The following MAPRE2 variants were observed in gnomAD, a reference collection of about 807,000 sequenced individuals.
MAPRE2 encodes the protein microtubule associated protein RP/EB family member 2, also known as microtubule-associated protein RP/EB family member 2.
MAPRE2 carries 13 observed loss-of-function variants against 43.2 expected under a neutral mutation model. The ratio of observed to expected loss-of-function variants is 0.30; its 90% CI spans 0.20 to 0.48. The LOEUF is 0.48. MAPRE2 is among the 20% of genes least tolerant of loss of function. MAPRE2 has a pLI of 0.99. For synonymous variants in MAPRE2, 135 were observed against 148.8 expected, an observed-to-expected ratio of 0.91 and a Z score of 0.68; for missense variants, 161 against 400.2, an observed-to-expected ratio of 0.40 and a Z score of 5.10.
intron 6 of MAPRE2, among the ~76,000 whole-genome samples, chr18:35,139,571 C>T (rs986073313): frequency 1.3e-5 from 2 of 152,156 alleles, no homozygotes; most frequent in African/African-American, 4.8e-5. Flanking sequence ...ATAAACATAA[C>T]GTAAGCCAAA....
intron 5 of MAPRE2, among the ~76,000 whole-genome samples, chr18:35,130,726 G>T (rs779994288): frequency 2.0e-5 from 3 of 152,156 alleles, no homozygotes; most frequent in Non-Finnish European, 4.4e-5. Flanking sequence ...TAAACGAAGG[G>T]TTTAAACAAA....
At chr18:35,054,849 T>C (rs1906134382) in intron 1 of MAPRE2, among the ~76,000 whole-genome samples, 1 of 152,238 alleles carries the variant, frequency 6.6e-6, no homozygotes, top group Admixed American at 6.5e-5. Flanking sequence ...TCTTTTTATG[T>C]AAGGCAGAGA....
intron 1 of MAPRE2, among the ~76,000 whole-genome samples, chr18:35,045,332 A>C (rs1471519194): frequency 1.3e-5 from 2 of 152,170 alleles, no homozygotes; most frequent in African/African-American, 4.8e-5. Context: ...TGCCCACTGC[A>C]TCTTTGTTTG....
In MAPRE2 at chr18:35,063,980, C is replaced by T. The variant is rs115099931; in HGVS notation, c.123-6215C>T. On this transcript the variant is annotated intron_variant, in intron 1 of 6. Coordinates refer to ENST00000300249, the MANE Select transcript of MAPRE2 (RefSeq NM_014268.4). ...ACCACTGCACTCCAGCCTGGACTGCCGAGTGAGACCCTGTCTCTTTAAAAA... is the reference window on the plus strand; with the variant it reads ...ACCACTGCACTCCAGCCTGGACTGCTGAGTGAGACCCTGTCTCTTTAAAAA... Among the ~76,000 whole-genome samples the T allele has an allele frequency of 3.0e-3, 365 of 123,348 alleles. 12 individuals are homozygous for T. The East Asian group carries it at 0.08, about 27-fold the overall frequency. 80.9% of individuals were successfully genotyped at this position (123,348 alleles called of 152,430 possible).
intron 2 of MAPRE2, among the ~76,000 whole-genome samples, chr18:35,091,850 A>G (rs1188230844): frequency 1.3e-5 from 2 of 152,242 alleles, no homozygotes; most frequent in Non-Finnish European, 2.9e-5. Flanking sequence ...ATTGCTATAC[A>G]GAAATATCTG....
At chr18:34,999,779 T>A (rs1424457) in intron 1 of MAPRE2, among the ~76,000 whole-genome samples, 21,939 of 152,100 alleles carry the variant, frequency 0.14, 1,976 homozygotes, top group East Asian at 0.24. Flanking sequence ...CTCCTTTACT[T>A]GCCAGATACG....
intron 2 of MAPRE2, among the ~76,000 whole-genome samples, chr18:35,083,294 G>T (rs1212555671): frequency 1.3e-5 from 2 of 152,210 alleles, no homozygotes; most frequent in Non-Finnish European, 2.9e-5. Context: ...GAGTGCACAT[G>T]TGGAGAAGCT....
At chr18:35,094,284 C>A (rs1908301651) in intron 2 of MAPRE2, among the ~76,000 whole-genome samples, 1 of 151,746 alleles carries the variant, frequency 6.6e-6, no homozygotes, top group African/African-American at 2.4e-5. Flanking sequence ...TTTTTGAAAG[C>A]TATTATTTTT....
At chr18:35,056,010 G>T (rs1243571788) in intron 1 of MAPRE2, among the ~76,000 whole-genome samples, 1 of 151,726 alleles carries the variant, frequency 6.6e-6, no homozygotes, top group East Asian at 1.9e-4. Context: ...TTATAACTGG[G>T]TGATGGAACA....
chr18:35,071,631 T>C (rs1168485517), intron 2 of MAPRE2, among the ~76,000 whole-genome samples: 2 of 152,200 alleles, frequency 1.3e-5, no homozygotes, highest in Non-Finnish European at 2.9e-5. Flanking sequence ...TTGCTCTTTT[T>C]CCCAGAGGGT....
intron 6 of MAPRE2, among the ~76,000 whole-genome samples, chr18:35,133,913 T>A (rs1481942384): frequency 1.3e-5 from 2 of 152,096 alleles, no homozygotes; most frequent in African/African-American, 4.8e-5. Context: ...CACACACACA[T>A]ACATCCCAGC....
At chr18:35,112,853 G>A (rs569343849) in intron 4 of MAPRE2, among the ~76,000 whole-genome samples, 6 of 152,332 alleles carry the variant, frequency 3.9e-5, no homozygotes, top group Admixed American at 3.9e-4. Flanking sequence ...CAACAGAAAT[G>A]TATTTCTCAC....
chr18:35,055,902 C>T (rs1245249055), intron 1 of MAPRE2, among the ~76,000 whole-genome samples: 1 of 151,298 alleles, frequency 6.6e-6, no homozygotes, highest in Non-Finnish European at 1.5e-5. Context: ...TTGCAGTGAG[C>T]CGAGATCATG....
intron 2 of MAPRE2, among the ~76,000 whole-genome samples, chr18:35,009,113 C>A (rs2097033170): frequency 6.6e-6 from 1 of 151,832 alleles, no homozygotes; most frequent in African/African-American, 2.4e-5. Context: ...TACTGGGGAA[C>A]TAAGATATAT....
rs1410476104 is a variant in MAPRE2, at chr18:35,101,188, G to A, written c.397-758G>A. Reference sequence around the variant, plus strand: ...ACAACTAAGGATATTCCTTTTGTCTGGCTTGTTCAGAAGTACTAAATATTC... The same window carrying A: ...ACAACTAAGGATATTCCTTTTGTCTAGCTTGTTCAGAAGTACTAAATATTC... On this transcript the variant is annotated intron_variant, in intron 3 of 6. Transcript: ENST00000300249. Among the ~76,000 whole-genome samples the A allele has an allele frequency of 2.0e-5, 3 of 152,170 alleles. No individual in the cohort carries two copies. In the South Asian group the frequency reaches 6.2e-4, roughly 32 times the overall value.
At chr18:35,081,321 T>G (rs1168192769) in intron 2 of MAPRE2, among the ~76,000 whole-genome samples, 1 of 152,150 alleles carries the variant, frequency 6.6e-6, no homozygotes, top group African/African-American at 2.4e-5. Flanking sequence ...GATACTAGAG[T>G]GTACCTAGAA....
chr18:34,998,909 T>C (rs1365677656), intron 1 of MAPRE2, among the ~76,000 whole-genome samples: 2 of 150,342 alleles, frequency 1.3e-5, no homozygotes, highest in Non-Finnish European at 2.9e-5. Flanking sequence ...TGATACCCAA[T>C]GTCTTTTCAG....
intron 1 of MAPRE2, among the ~76,000 whole-genome samples, chr18:35,004,929 A>C (rs1039481340): frequency 6.6e-6 from 1 of 152,088 alleles, no homozygotes; most frequent in African/African-American, 2.4e-5. Flanking sequence ...AAAAAAAAAA[A>C]AAAAGAAAAG....
intron 4 of MAPRE2, among the ~76,000 whole-genome samples, chr18:35,115,387 A>AGTTTTTGGGGTACAGATG (rs1281960510): frequency 5.2e-4 from 79 of 152,158 alleles, no homozygotes; most frequent in Non-Finnish European, 8.1e-4. Flanking sequence ...TTGTTTCAAT[A>AGTTTTTGGGGTACAGATG]GTTTTTGGGG....
Sources: allele counts gnomAD v4.1 joint callset (sites outside exome capture counted in the v4.1 genomes callset), GRCh38; gene constraint gnomAD v4.1.1; transcripts MANE v1.5; gene names NCBI Gene and HGNC (gene_info 2026-07-23, HGNC 2026-07-21).